The following RNF10 variants were observed in gnomAD, a reference collection of about 807,000 sequenced individuals.
The protein encoded by RNF10 is ring finger protein 10.
Under a neutral mutation model 91.4 loss-of-function variants are expected in RNF10, and 38 were observed. The observed-to-expected ratio is 0.42, with a 90% CI of 0.32 to 0.54. RNF10 has a LOEUF of 0.54. Ranked by LOEUF, RNF10 falls within the 20% of genes least tolerant of loss-of-function variation. RNF10 has a pLI of 0.16. For missense variants in RNF10, 945 were observed against 1,012.0 expected (o/e 0.93, Z 0.90); for synonymous variants, 364 against 366.3 (o/e 0.99, Z 0.07).
At chr12:120,556,631 TA>T (rs756118625) in intron 4 of RNF10, among the ~76,000 whole-genome samples, 75 of 150,634 alleles carry the variant, frequency 5.0e-4, no homozygotes, top group Middle Eastern at 3.4e-3. Flanking sequence ...TAAGTTTTAT[TA>T]AAAAAAAATG....
chr12:120,537,659 A>G (rs1484081236), intron 1 of RNF10, among the ~76,000 whole-genome samples: 2 of 152,080 alleles, frequency 1.3e-5, no homozygotes, highest in Non-Finnish European at 2.9e-5. Flanking sequence ...CAAATAACAC[A>G]TATGTGCCTT....
At position 120,576,575 on chromosome 12, in the gene RNF10, TG is replaced by T; in HGVS notation, c.2360-14del. ...GGCATTTTAAGTTAAGCTGTCTTTC[TG>T]TGTCTCCCTTTAGAAGAGAAAGGAG... On this transcript the variant is annotated splice_polypyrimidine_tract_variant and intron_variant, in intron 16 of 16. Coordinates refer to ENST00000325954, the MANE Select transcript of RNF10 (RefSeq NM_014868.5). The T allele has an allele frequency of 6.2e-7, 1 of 1,611,990 alleles. No homozygotes were observed. The highest frequency in any genetic ancestry group is 8.5e-7 in the Non-Finnish European group (1 of 1,179,264).
At chr12:120,576,493 C>CT in intron 16 of RNF10, 97 bp from the exon 17 acceptor site, 1 of 1,506,250 alleles carries the variant, frequency 6.6e-7, no homozygotes, top group South Asian at 1.3e-5. Flanking sequence ...AGAGCCTCCA[C>CT]TCTTAGCTCC....
intron 6 of RNF10, among the ~76,000 whole-genome samples, chr12:120,559,799 G>A (rs10849762): frequency 0.27 from 40,759 of 151,696 alleles, 6,582 homozygotes; most frequent in Admixed American, 0.39. Context: ...GGGTTCAAGC[G>A]ATTTTCTTAC....
chr12:120,562,514 TC>T (rs971085216), intron 7 of RNF10, among the ~76,000 whole-genome samples: 48 of 152,062 alleles, frequency 3.2e-4, no homozygotes, highest in African/African-American at 1.1e-3. Context: ...CCTCAGGTGA[TC>T]CGCCCACCTC....
rs144581855 is a variant in RNF10, at chr12:120,547,766, G to A, written c.354+1165G>A. On this transcript the variant is annotated intron_variant, in intron 2 of 16. Transcript: ENST00000325954. The stretch of plus-strand genomic sequence containing the variant: ...TAGGAAAGGGATCAGATCATGTGGG[G>A]CTTTGAAGGACTTTGGCTTTTGTTC... Among the ~76,000 whole-genome samples the A allele has an allele frequency of 2.2e-4, 34 of 152,302 alleles. No individual in the cohort carries two copies. In the East Asian group the frequency reaches 5.2e-3, roughly 23 times the overall value.
In RNF10 at chr12:120,571,273, C is replaced by G. The variant is rs1263400825; in HGVS notation, c.2124C>G (p.Pro708=). ...TTGGGAGTCTGGAAGAAGACTCTCC[C>G]TTCCCTTCCTTTGCCCAGGTAAATC... ...FCVGSLEEDS[P]FPSFAQMLRV... The change falls in exon 14 of 17, where the codon CCC becomes CCG. Residue 708 remains proline (P), a synonymous_variant. Transcript: ENST00000325954. The G allele has an allele frequency of 6.2e-7, 1 of 1,612,806 alleles. No individual in the cohort carries two copies. Among genetic ancestry groups the G allele is most frequent in the Non-Finnish European group, 8.5e-7 (1 of 1,178,900 alleles).
chr12:120,548,346 G>A (rs958850895), intron 2 of RNF10, among the ~76,000 whole-genome samples: 1 of 151,748 alleles, frequency 6.6e-6, no homozygotes, highest in East Asian at 1.9e-4. Context: ...TCCAAAAACG[G>A]ATTAGGTTCA....
At chr12:120,561,023 T>C in intron 7 of RNF10, 137 bp downstream of exon 7, 1 of 877,772 alleles carries the variant, frequency 1.1e-6, no homozygotes, top group Admixed American at 2.9e-5. Flanking sequence ...CCATTCCACA[T>C]TTAAGACAAT....
Position 120,563,350 on chromosome 12 carries a change from G to A in RNF10, c.1258G>A (p.Val420Met). ...KESVFQPRKG[V>M]LEYLSAFDEE... ...GACTTAGAGTTTGCTGCAACAGGGTGTGCTGGAGTATCTGTCTGCCTTCGA... is the reference window on the plus strand; with the variant it reads ...GACTTAGAGTTTGCTGCAACAGGGTATGCTGGAGTATCTGTCTGCCTTCGA... Residue 420 changes from valine to methionine, a missense_variant, in exon 9 of 17, where the codon GTG (valine) becomes ATG (methionine). By Grantham distance (21) the Val-to-Met change is conservative. Coordinates refer to ENST00000325954, the MANE Select transcript of RNF10 (RefSeq NM_014868.5). The A allele has an allele frequency of 6.2e-7, 1 of 1,609,518 alleles. No individual in the cohort carries two copies. Among genetic ancestry groups the A allele is most frequent in the Non-Finnish European group, 8.5e-7 (1 of 1,178,670 alleles).
At chr12:120,573,454 G>A (rs1196090365) in intron 14 of RNF10, among the ~76,000 whole-genome samples, 1 of 151,964 alleles carries the variant, frequency 6.6e-6, no homozygotes, top group Non-Finnish European at 1.5e-5. Flanking sequence ...TAAACATTTT[G>A]GTAAGAATAA....
chr12:120,552,743 C>T lies in RNF10; in HGVS notation c.554+45C>T, dbSNP rs781041511. ...AGAGGAAAGGGAAAGTAGGACTCTC[C>T]GGATAGCTGTGGTGCCTCTGTGAGA... is the stretch of plus-strand genomic sequence containing the variant. On this transcript the variant is annotated intron_variant, in intron 3 of 16. Coordinates refer to ENST00000325954, the MANE Select transcript of RNF10 (RefSeq NM_014868.5). 1.5e-5 allele frequency: 24 copies of T among 1,560,690 alleles called. No homozygotes were observed. In the Admixed American group the frequency reaches 1.6e-4, roughly 10 times the overall value.
intron 11 of RNF10, 62 bp downstream of exon 11, chr12:120,565,251 A>G (rs573515852): frequency 7.8e-7 from 1 of 1,278,742 alleles, no homozygotes; most frequent in East Asian, 2.3e-5. Context: ...GTGGCTAGAC[A>G]CCCAGTGGGG....
intron 1 of RNF10, among the ~76,000 whole-genome samples, chr12:120,544,543 G>C (rs1490785681): frequency 6.6e-6 from 1 of 152,110 alleles, no homozygotes; most frequent in Non-Finnish European, 1.5e-5. Flanking sequence ...TGTAGTCTCA[G>C]CTGCTCAGGA....
In RNF10 at chr12:120,577,276, C is replaced by A; in HGVS notation, c.*610C>A. ...TTGCATGTGTGAAAGGAGGGTTTTGCCTCTTCTTGAGCATGGCTTGAGTTG... is the reference window on the plus strand; with the variant it reads ...TTGCATGTGTGAAAGGAGGGTTTTGACTCTTCTTGAGCATGGCTTGAGTTG... On this transcript the variant is annotated 3_prime_UTR_variant, in exon 17 of 17. Coordinates refer to ENST00000325954, the MANE Select transcript of RNF10 (RefSeq NM_014868.5). 2.4e-6 allele frequency: 1 copy of A among 425,294 alleles called. No individual in the cohort carries two copies. The highest frequency in any genetic ancestry group is 4.6e-6 in the Non-Finnish European group (1 of 216,340). The allele number at this position is 425,294 out of a possible 1,614,324, so 26.3% of individuals were successfully genotyped here.
At chr12:120,561,867 G>T (rs1874882047) in intron 7 of RNF10, among the ~76,000 whole-genome samples, 1 of 152,212 alleles carries the variant, frequency 6.6e-6, no homozygotes, top group East Asian at 1.9e-4. Context: ...CCAGGCTGAG[G>T]TGGAGTTAGC....
chr12:120,537,317 CAAG>C lies in RNF10; in HGVS notation c.157+2352_157+2354del, dbSNP rs1168895406. ...GGCAGAGTGAGACCCCGTCTCAAAACAAGAAAACTTCTGTAAAAACTCATGTAG... is the reference window on the plus strand; with the variant it reads ...GGCAGAGTGAGACCCCGTCTCAAAACAAAACTTCTGTAAAAACTCATGTAG... On this transcript the variant is annotated intron_variant, in intron 1 of 16. Coordinates refer to ENST00000325954, the MANE Select transcript of RNF10 (RefSeq NM_014868.5). 2.6e-5 allele frequency among the ~76,000 whole-genome samples: 4 copies of C among 151,782 alleles called. No individual in the cohort carries two copies. In the South Asian group the frequency reaches 6.2e-4, roughly 24 times the overall value.
rs149061940 is a variant in RNF10, at chr12:120,571,678, C to G, written c.2142+387C>G. 2.0e-5 allele frequency among the ~76,000 whole-genome samples: 3 copies of G among 152,224 alleles called. No individual in the cohort carries two copies. In the East Asian group the frequency reaches 5.8e-4, roughly 29 times the overall value. On this transcript the variant is annotated intron_variant, in intron 14 of 16. Coordinates refer to ENST00000325954, the MANE Select transcript of RNF10 (RefSeq NM_014868.5). ...TCAGAGTTTAGAATATTTTAAAAAT[C>G]ATTTGATAACTTGTGTACTGGATAC...
chr12:120,555,537 G>C (rs1186242595), intron 4 of RNF10, among the ~76,000 whole-genome samples: 1 of 150,434 alleles, frequency 6.6e-6, no homozygotes, highest in Non-Finnish European at 1.5e-5. Context: ...GCCCAGGCTG[G>C]AGTACAGTGG....
Sources: gnomAD v4.1 joint callset for allele counts (sites outside exome capture counted in the v4.1 genomes callset) on GRCh38, gnomAD v4.1.1 for gene constraint, MANE v1.5 for transcripts, NCBI Gene and HGNC (gene_info 2026-07-23, HGNC 2026-07-21) for gene names.